MAML3: variants seen among roughly 807,000 people sequenced by gnomAD.
MAML3 encodes the protein mastermind-like protein 3.
Under a neutral mutation model 101.9 loss-of-function variants are expected in MAML3, and 27 were observed. The ratio of observed to expected loss-of-function variants is 0.27; its 90% CI spans 0.20 to 0.37. The LOEUF is 0.37. MAML3 is among the 10% of genes least tolerant of loss of function. The pLI is 1.00. For synonymous variants in MAML3, 501 were observed against 555.9 expected (o/e 0.90, Z 1.39); for missense variants, 1,316 against 1,444.9 (o/e 0.91, Z 1.45).
At chr4:139,925,505 CAGGCATGAGCCA>C (rs746585745) in intron 1 of MAML3, among the ~76,000 whole-genome samples, 49,913 of 152,056 alleles carry the variant, frequency 0.33, 9,351 homozygotes, top group East Asian at 0.63. Flanking sequence ...GCTGGGATTA[CAGGCATGAGCCA>C]CTGGATCCGG....
intron 2 of MAML3, chr4:139,888,703 T>A (rs1732389959): frequency 4.1e-5 from 21 of 517,076 alleles, no homozygotes; most frequent in South Asian, 2.8e-4. Flanking sequence ...CCATCACATT[T>A]TCCTGAAATA....
At chr4:139,849,156 T>A (rs1731504282) in intron 2 of MAML3, among the ~76,000 whole-genome samples, 6 of 152,178 alleles carry the variant, frequency 3.9e-5, no homozygotes, top group Admixed American at 3.9e-4. Flanking sequence ...TATTTAATAG[T>A]ATATATGACT....
At chr4:139,832,094 C>CTTTTTTTTTTTTTTTTTTTTTTTTTTTT (rs70943444) in intron 2 of MAML3, among the ~76,000 whole-genome samples, 1 of 64,680 alleles carries the variant, frequency 1.5e-5, no homozygotes, top group Non-Finnish European at 3.3e-5. Context: ...TGCCCAGCCC[C>CTTTTTTTTTTTTTTTTTTTTTTTTTTTT]TTTTTTTTTT....
chr4:140,052,477 TG>T (rs1727283946), intron 1 of MAML3, among the ~76,000 whole-genome samples: 1 of 151,784 alleles, frequency 6.6e-6, no homozygotes, highest in Admixed American at 6.6e-5. Flanking sequence ...ATCTGTTCAG[TG>T]GGGTATGGGT....
At chr4:140,023,024 C>A (rs889539656) in intron 1 of MAML3, among the ~76,000 whole-genome samples, 3 of 152,112 alleles carry the variant, frequency 2.0e-5, no homozygotes, top group Admixed American at 6.5e-5. Flanking sequence ...GCATAATAAT[C>A]CCCCTTTTAA....
chr4:139,956,739 AG>A (rs1478702699), intron 1 of MAML3, among the ~76,000 whole-genome samples: 1 of 152,202 alleles, frequency 6.6e-6, no homozygotes, highest in African/African-American at 2.4e-5. Context: ...CAGAGAAAAC[AG>A]ATTTCTCCAC....
chr4:139,738,258 G>T (rs1729022412), intron 2 of MAML3, among the ~76,000 whole-genome samples: 1 of 152,188 alleles, frequency 6.6e-6, no homozygotes, highest in Non-Finnish European at 1.5e-5. Context: ...ACTTGTCATG[G>T]TCAGGCCAGG....
intron 1 of MAML3, among the ~76,000 whole-genome samples, chr4:140,067,431 C>G (rs1161567247): frequency 6.6e-6 from 1 of 152,066 alleles, no homozygotes; most frequent in Non-Finnish European, 1.5e-5. Context: ...AGACAGCATA[C>G]GTATTATTTA....
At chr4:140,090,152 C>A (rs1728019305) in intron 1 of MAML3, among the ~76,000 whole-genome samples, 1 of 152,170 alleles carries the variant, frequency 6.6e-6, no homozygotes, top group South Asian at 2.1e-4. Context: ...CAGGTTTACA[C>A]CCAAATAATT....
chr4:140,041,444 C>T (rs1051769721), intron 1 of MAML3, among the ~76,000 whole-genome samples: 1 of 151,792 alleles, frequency 6.6e-6, no homozygotes, highest in African/African-American at 2.4e-5. Context: ...GCCAACATGG[C>T]GAAACCCCGT....
chr4:140,000,804 G>A (rs776538193), intron 1 of MAML3, among the ~76,000 whole-genome samples: 17 of 152,128 alleles, frequency 1.1e-4, no homozygotes, highest in Non-Finnish European at 2.2e-4. Flanking sequence ...GAGGTGGGTG[G>A]ATCACCTGAG....
chr4:140,055,042 G>C (rs1004373655), intron 1 of MAML3, among the ~76,000 whole-genome samples: 2 of 152,150 alleles, frequency 1.3e-5, no homozygotes, highest in African/African-American at 4.8e-5. Flanking sequence ...AAACACAAGT[G>C]TCTGACCATC....
intron 1 of MAML3, among the ~76,000 whole-genome samples, chr4:140,131,688 T>C (rs1728797149): frequency 6.6e-6 from 1 of 152,216 alleles, no homozygotes; most frequent in South Asian, 2.1e-4. Context: ...CTCCCCTCCA[T>C]GGCCCATCTC....
At chr4:139,824,801 C>T (rs370372222) in intron 2 of MAML3, among the ~76,000 whole-genome samples, 1 of 152,120 alleles carries the variant, frequency 6.6e-6, no homozygotes, top group Admixed American at 6.5e-5. Flanking sequence ...GTGTAACTGA[C>T]GTGTTCGGAT....
intron 1 of MAML3, among the ~76,000 whole-genome samples, chr4:140,077,049 C>CT (rs1727780044): frequency 6.6e-6 from 1 of 151,960 alleles, no homozygotes. Flanking sequence ...CGCCACCACA[C>CT]CTGGCTAATT....
chr4:139,968,562 C>A (rs1380231374), intron 1 of MAML3, among the ~76,000 whole-genome samples: 2 of 152,030 alleles, frequency 1.3e-5, no homozygotes, highest in Non-Finnish European at 2.9e-5. Flanking sequence ...TTGTTACAGT[C>A]CAGACTTTCT....
chr4:139,751,788 C>T (rs1222222441), intron 2 of MAML3, among the ~76,000 whole-genome samples: 1 of 152,138 alleles, frequency 6.6e-6, no homozygotes, highest in East Asian at 1.9e-4. Flanking sequence ...ACAATTTTGC[C>T]CACAGCAAGC....
chr4:139,784,378 C>A (rs1005363456), intron 2 of MAML3, among the ~76,000 whole-genome samples: 3 of 152,194 alleles, frequency 2.0e-5, no homozygotes, highest in Non-Finnish European at 2.9e-5. Context: ...GCGATCCTGG[C>A]GAGGCACGGG....
chr4:140,094,630 T>C lies in MAML3; in HGVS notation c.468+58230A>G, dbSNP rs531483299. On this transcript the variant is annotated intron_variant, in intron 1 of 4. Coordinates refer to ENST00000509479, the MANE Select transcript of MAML3 (RefSeq NM_018717.5). ...ACAGAGCACTTCAAACAATGGAGAG[T>C]AGTTCCTAAGATAGCCGGTGGCCAA... Among the ~76,000 whole-genome samples, 3 of 152,202 alleles carry C rather than the reference T, an allele frequency of 2.0e-5. No individual in the cohort carries two copies. The South Asian group carries it at 6.2e-4, about 32-fold the overall frequency.
Sources: gnomAD v4.1 joint callset for allele counts (sites outside exome capture counted in the v4.1 genomes callset) on GRCh38, gnomAD v4.1.1 for gene constraint, MANE v1.5 for transcripts, NCBI Gene and HGNC (gene_info 2026-07-23, HGNC 2026-07-21) for gene names.